Variants in ARHGAP22 observed in about 807,000 individuals in gnomAD.
The protein encoded by ARHGAP22 is rho GTPase-activating protein 22.
ARHGAP22 carries 48 observed loss-of-function variants against 59.1 expected under a neutral mutation model. The observed-to-expected ratio is 0.81, with a 90% confidence interval of 0.64 to 1.03. The LOEUF (loss-of-function observed/expected upper bound fraction) is 1.03, where lower values mean the gene tolerates loss of function less well. ARHGAP22 is among the 50% of genes least tolerant of loss of function. The probability of loss-of-function intolerance (pLI) is 0.00; values close to 1 mark genes in which losing one functional copy is unlikely to be tolerated. For missense variants in ARHGAP22, 1,015 were observed against 958.7 expected (o/e 1.06, Z -0.78); for synonymous variants, 445 against 416.4 (o/e 1.07, Z -0.84).
chr10:48,645,688 T>C (rs1224424703), intron 1 of ARHGAP22, among the ~76,000 whole-genome samples: 1 of 152,144 alleles, frequency 6.6e-6, no homozygotes, highest in African/African-American at 2.4e-5. Flanking sequence ...CAGAGACCAA[T>C]ATCATATGTA....
chr10:48,532,268 C>A (rs2054918258), intron 3 of ARHGAP22, among the ~76,000 whole-genome samples: 2 of 152,076 alleles, frequency 1.3e-5, no homozygotes, highest in South Asian at 4.2e-4. Context: ...ACCTTCTTAA[C>A]AACCACTCAC....
At chr10:48,528,557 G>C (rs1477904247) in intron 3 of ARHGAP22, among the ~76,000 whole-genome samples, 2 of 152,186 alleles carry the variant, frequency 1.3e-5, no homozygotes, top group African/African-American at 2.4e-5. Flanking sequence ...GACCTGAGCT[G>C]CAAGGAGGGG....
intron 2 of ARHGAP22, among the ~76,000 whole-genome samples, chr10:48,560,968 T>C (rs11101384): frequency 0.27 from 40,415 of 151,968 alleles, 6,026 homozygotes; most frequent in African/African-American, 0.4. Context: ...CTTTGTCTTG[T>C]AATGTCTTTG....
At chr10:48,454,641 T>C (rs10857571) in intron 6 of ARHGAP22, among the ~76,000 whole-genome samples, 141,267 of 152,088 alleles carry the variant, frequency 0.93, 66,413 homozygotes, top group East Asian at 1. Context: ...AAAGATGTCC[T>C]GGTTTCTGAG....
intron 1 of ARHGAP22, among the ~76,000 whole-genome samples, chr10:48,620,344 C>T (rs2061241934): frequency 6.6e-6 from 1 of 151,872 alleles, no homozygotes; most frequent in Non-Finnish European, 1.5e-5. Context: ...GTAGGGCATA[C>T]ATTATCTTAT....
chr10:48,586,965 T>C (rs535149857), intron 1 of ARHGAP22, among the ~76,000 whole-genome samples: 2 of 151,874 alleles, frequency 1.3e-5, no homozygotes, highest in East Asian at 3.9e-4. Flanking sequence ...CAGCCTGGAA[T>C]TTCCAGACAC....
At chr10:48,587,758 A>T (rs2059515452) in intron 1 of ARHGAP22, among the ~76,000 whole-genome samples, 1 of 130,368 alleles carries the variant, frequency 7.7e-6, no homozygotes, top group African/African-American at 3.0e-5. Context: ...CTTCTATTAC[A>T]ACAAGGCCTG....
intron 2 of ARHGAP22, among the ~76,000 whole-genome samples, chr10:48,580,723 C>T (rs1429386920): frequency 6.6e-6 from 1 of 151,960 alleles, no homozygotes; most frequent in African/African-American, 2.4e-5. Flanking sequence ...TGTGGGGAAC[C>T]AGAGGTGTGG....
chr10:48,437,798 C>T, the ARHGAP22 span: 4 of 152,254 alleles, frequency 2.6e-5, no homozygotes, highest in Non-Finnish European at 5.9e-5. Flanking sequence ...CCTCTTAAAT[C>T]AGAAGCCTAC....
intron 3 of ARHGAP22, among the ~76,000 whole-genome samples, chr10:48,516,758 T>C (rs907155103): frequency 2.0e-5 from 3 of 152,172 alleles, no homozygotes; most frequent in African/African-American, 4.8e-5. Context: ...ATGGAGCCAA[T>C]AGTCCTCCGA....
the ARHGAP22 span, among the ~76,000 whole-genome samples, chr10:48,431,872 A>G: frequency 6.6e-6 from 1 of 152,234 alleles, no homozygotes; most frequent in Non-Finnish European, 1.5e-5. Flanking sequence ...CACTAAGTAC[A>G]TACCACATAA....
In ARHGAP22 at chr10:48,564,923, G is replaced by A. The variant is rs2057952270; in HGVS notation, c.235-9373C>T. On this transcript the variant is annotated intron_variant, in intron 2 of 9. Coordinates refer to ENST00000249601, the MANE Select transcript of ARHGAP22 (RefSeq NM_021226.4). The stretch of plus-strand genomic sequence containing the variant: ...ATTTTGCAAAGAATGATCCGTCTTG[G>A]GAACAGCTCCCAGAACACCGGATGG... Among the ~76,000 whole-genome samples, 3 of 152,278 alleles carry A rather than the reference G, an allele frequency of 2.0e-5. No homozygotes were observed. In the South Asian group the frequency reaches 6.2e-4, roughly 32 times the overall value.
At chr10:48,507,517 G>A (rs561523428) in intron 3 of ARHGAP22, among the ~76,000 whole-genome samples, 1 of 152,310 alleles carries the variant, frequency 6.6e-6, no homozygotes, top group African/African-American at 2.4e-5. Flanking sequence ...AGAAAGGTTA[G>A]CCTTTTGGGG....
intron 3 of ARHGAP22, among the ~76,000 whole-genome samples, chr10:48,553,545 G>A (rs911859533): frequency 3.9e-5 from 6 of 152,204 alleles, no homozygotes; most frequent in Non-Finnish European, 7.3e-5. Flanking sequence ...TCTCTCTGGG[G>A]ATTCTTTCTA....
intron 1 of ARHGAP22, among the ~76,000 whole-genome samples, chr10:48,642,538 T>G (rs975648022): frequency 7.2e-5 from 11 of 152,274 alleles, no homozygotes; most frequent in South Asian, 2.1e-4. Context: ...TAGCCATATG[T>G]AGAAAGCTGA....
At chr10:48,497,520 G>A (rs17010550) in intron 3 of ARHGAP22, among the ~76,000 whole-genome samples, 4,831 of 152,322 alleles carry the variant, frequency 0.032, 270 homozygotes, top group African/African-American at 0.11. Context: ...AGGGAGTGCC[G>A]GTGGTCAGCG....
intron 2 of ARHGAP22, among the ~76,000 whole-genome samples, chr10:48,577,798 T>C (rs199953377): frequency 0.037 from 3,004 of 80,402 alleles, 218 homozygotes; most frequent in African/African-American, 0.13. Flanking sequence ...CTGCTCTTTT[T>C]TGGTTTTTTT....
intron 2 of ARHGAP22, among the ~76,000 whole-genome samples, chr10:48,557,339 A>G (rs1414489176): frequency 6.6e-6 from 1 of 152,158 alleles, no homozygotes; most frequent in Non-Finnish European, 1.5e-5. Flanking sequence ...TGTCATCCGT[A>G]CAAGGAGAGT....
At chr10:48,453,986 G>A (rs1354743576) in intron 7 of ARHGAP22, 102 bp downstream of exon 7, 14 of 1,253,832 alleles carry the variant, frequency 1.1e-5, no homozygotes, top group Admixed American at 5.1e-5. Flanking sequence ...GGAATGACCC[G>A]GGCCCCCCTC....
Sources: gnomAD v4.1 joint callset for allele counts (sites outside exome capture counted in the v4.1 genomes callset) on GRCh38, gnomAD v4.1.1 for gene constraint, MANE v1.5 for transcripts, NCBI Gene and HGNC (gene_info 2026-07-23, HGNC 2026-07-21) for gene names.